Variants in TLN2 observed in about 807,000 individuals in gnomAD.
TLN2 encodes the protein talin-2.
Under a neutral mutation model 294.7 loss-of-function variants are expected in TLN2, and 118 were observed. That is an observed-to-expected ratio of 0.40 (90% CI 0.34 to 0.47). The LOEUF (loss-of-function observed/expected upper bound fraction) is 0.47. TLN2 is among the 20% of genes least tolerant of loss of function. The probability of loss-of-function intolerance (pLI) is 0.84; values close to 1 mark genes in which losing one functional copy is unlikely to be tolerated. For missense variants in TLN2, 3,083 were observed against 3,282.2 expected (o/e 0.94, Z 1.48); for synonymous variants, 1,431 against 1,304.5 (o/e 1.10, Z -2.09).
chr15:62,800,916 A>G (rs1596044394), intron 50 of TLN2, 147 bp downstream of exon 50: 3 of 648,628 alleles, frequency 4.6e-6, no homozygotes, highest in East Asian at 5.5e-5. Flanking sequence ...GTAGCTTTAT[A>G]TAATTGAGAC....
intron 1 of TLN2, among the ~76,000 whole-genome samples, chr15:62,493,118 G>A (rs149590455): frequency 9.1e-4 from 138 of 152,298 alleles, no homozygotes; most frequent in African/African-American, 3.1e-3. Flanking sequence ...GATGAAGGGC[G>A]TAAATCATGA....
intron 22 of TLN2, among the ~76,000 whole-genome samples, chr15:62,712,672 T>C (rs961387452): frequency 3.3e-5 from 5 of 152,208 alleles, no homozygotes; most frequent in Admixed American, 2.6e-4. Context: ...AAAATGCACA[T>C]GCCTCAGTTT....
At chr15:62,545,480 A>G (rs2041941048) in intron 1 of TLN2, among the ~76,000 whole-genome samples, 1 of 151,098 alleles carries the variant, frequency 6.6e-6, no homozygotes, top group African/African-American at 2.5e-5. Flanking sequence ...GCATTTGCAT[A>G]GTGTCTCTTG....
intron 37 of TLN2, among the ~76,000 whole-genome samples, chr15:62,758,972 A>C (rs1158682643): frequency 6.6e-6 from 1 of 152,230 alleles, no homozygotes; most frequent in Non-Finnish European, 1.5e-5. Context: ...GTGCATACAC[A>C]GAAATTGTTT....
intron 27 of TLN2, among the ~76,000 whole-genome samples, chr15:62,726,369 G>A (rs919807723): frequency 1.3e-5 from 2 of 152,060 alleles, no homozygotes; most frequent in African/African-American, 2.4e-5. Flanking sequence ...TTGTACTCTC[G>A]CAGTATACCT....
chr15:62,677,806 CTTT>C (rs3055781), intron 11 of TLN2, among the ~76,000 whole-genome samples: 1 of 75,252 alleles, frequency 1.3e-5, no homozygotes, highest in Non-Finnish European at 2.4e-5. Context: ...GCACTTGCAA[CTTT>C]TTTTTTTTTT....
At chr15:62,773,756 A>G (rs2063505809) in intron 42 of TLN2, among the ~76,000 whole-genome samples, 1 of 152,188 alleles carries the variant, frequency 6.6e-6, no homozygotes, top group South Asian at 2.1e-4. Flanking sequence ...TCTGCCTCTC[A>G]CGAGTAAATT....
chr15:62,829,020 C>G (rs2068493191), intron 54 of TLN2: 1 of 151,962 alleles, frequency 6.6e-6, no homozygotes, highest in Admixed American at 6.6e-5. Context: ...CCAGACCTAC[C>G]AAAACAGCAT....
chr15:62,764,634 G>A (rs1193673126), intron 40 of TLN2, among the ~76,000 whole-genome samples: 1 of 152,012 alleles, frequency 6.6e-6, no homozygotes, highest in East Asian at 1.9e-4. Context: ...AACTGAACAG[G>A]CCTTTCAACC....
At chr15:62,419,057 A>G (rs1467544346) in intron 1 of TLN2, among the ~76,000 whole-genome samples, 1 of 152,238 alleles carries the variant, frequency 6.6e-6, no homozygotes, top group Non-Finnish European at 1.5e-5. Flanking sequence ...AGATCAAAAT[A>G]AAGATCAAGC....
intron 28 of TLN2, among the ~76,000 whole-genome samples, chr15:62,729,417 A>G (rs1234517916): frequency 6.6e-6 from 1 of 152,222 alleles, no homozygotes; most frequent in Non-Finnish European, 1.5e-5. Context: ...GTATTTTTAA[A>G]CCACTATTGG....
chr15:62,723,390 T>C (rs1157896144), intron 26 of TLN2, among the ~76,000 whole-genome samples: 1 of 152,178 alleles, frequency 6.6e-6, no homozygotes, highest in Non-Finnish European at 1.5e-5. Context: ...TTTCTGGTTG[T>C]AGAGCCTGAA....
At position 62,582,246 on chromosome 15, in the gene TLN2, A is replaced by ACACACACACACACACACACACACCCCCC. The variant is rs764248336; in HGVS notation, c.-237-7439_-237-7438insCACACACACACACACACACACCCCCCCA. Among the ~76,000 whole-genome samples the ACACACACACACACACACACACACCCCCC allele has an allele frequency of 4.4e-5, 6 of 137,240 alleles. No individual in the cohort carries two copies. The East Asian group carries it at 6.9e-4, about 16-fold the overall frequency. The allele number at this position is 137,240 out of a possible 152,430, so 90.0% of individuals were successfully genotyped here. ...CACACACACACACACACACACACAC[A>ACACACACACACACACACACACACCCCCC]CATTCATGCCTGACCCATTCCTGAC... On this transcript the variant is annotated intron_variant, in intron 1 of 58. Transcript: ENST00000636159.
At chr15:62,753,429 A>G (rs2062045899) in intron 35 of TLN2, among the ~76,000 whole-genome samples, 1 of 152,188 alleles carries the variant, frequency 6.6e-6, no homozygotes, top group African/African-American at 2.4e-5. Flanking sequence ...AGTCAGCTTC[A>G]TGCTGAGGCT....
intron 7 of TLN2, among the ~76,000 whole-genome samples, chr15:62,655,520 G>A (rs1001814551): frequency 2.0e-5 from 3 of 152,080 alleles, no homozygotes; most frequent in Admixed American, 1.3e-4. Flanking sequence ...ACTTTATTAG[G>A]TGAGACTGGA....
chr15:62,675,360 CCTT>C (rs751265203), intron 11 of TLN2, 39 bp downstream of exon 11: 18 of 1,595,634 alleles, frequency 1.1e-5, no homozygotes, highest in East Asian at 8.9e-5. Context: ...CACCTTGGCC[CCTT>C]CTTTTTTCTT....
At chr15:62,704,736 G>A (rs1307348649) in intron 19 of TLN2, among the ~76,000 whole-genome samples, 1 of 152,204 alleles carries the variant, frequency 6.6e-6, no homozygotes, top group African/African-American at 2.4e-5. Context: ...AAAATGAACT[G>A]CACATCAATA....
At chr15:62,717,528 A>G (rs949568916) in intron 23 of TLN2, 48 bp from the exon 24 acceptor site, 19 of 1,309,096 alleles carry the variant, frequency 1.5e-5, no homozygotes, top group Non-Finnish European at 1.9e-5. Flanking sequence ...TAGAACATGC[A>G]TGTATATTGC....
At chr15:62,614,260 G>A (rs1273033863) in intron 2 of TLN2, among the ~76,000 whole-genome samples, 1 of 152,068 alleles carries the variant, frequency 6.6e-6, no homozygotes, top group African/African-American at 2.4e-5. Context: ...TAGCTATTTT[G>A]TTTTCTTTTG....
Sources: gnomAD v4.1 joint callset for allele counts (sites outside exome capture counted in the v4.1 genomes callset) on GRCh38, gnomAD v4.1.1 for gene constraint, MANE v1.5 for transcripts, NCBI Gene and HGNC (gene_info 2026-07-23, HGNC 2026-07-21) for gene names.